Variants in ROBO1 observed in about 807,000 individuals in gnomAD.
ROBO1 encodes roundabout homolog 1.
In ROBO1, 149 loss-of-function variants were observed where a neutral mutation model predicts 195.9. That is an observed-to-expected ratio of 0.76 (90% CI 0.67 to 0.87). The LOEUF (loss-of-function observed/expected upper bound fraction) is 0.87. Among genes scored for constraint, ROBO1 ranks in the 40% least tolerant of loss-of-function variants. The pLI is 0.00. For synonymous variants in ROBO1, 816 were observed against 733.2 expected, an observed-to-expected ratio of 1.11 and a Z score of -1.82; for missense variants, 1,933 against 2,068.3, an observed-to-expected ratio of 0.93 and a Z score of 1.27.
intron 28 of ROBO1, among the ~76,000 whole-genome samples, chr3:78,610,183 G>A (rs1394800497): frequency 6.6e-6 from 1 of 152,112 alleles, no homozygotes; most frequent in Admixed American, 6.6e-5. Flanking sequence ...ATAAAATCAA[G>A]TTTTTTTGTC....
chr3:79,699,753 A>G (rs537345012), intron 1 of ROBO1, among the ~76,000 whole-genome samples: 13 of 151,768 alleles, frequency 8.6e-5, no homozygotes, highest in African/African-American at 2.7e-4. Flanking sequence ...CCAATAAGAT[A>G]TGAGTGAAAA....
chr3:79,101,944 T>C (rs2079683733), intron 3 of ROBO1, among the ~76,000 whole-genome samples: 1 of 151,824 alleles, frequency 6.6e-6, no homozygotes, highest in Admixed American at 6.6e-5. Context: ...ATTGCTCAGC[T>C]CACACAGTTT....
chr3:78,727,242 TATATA>T (rs1471849635), intron 5 of ROBO1, among the ~76,000 whole-genome samples: 1 of 151,970 alleles, frequency 6.6e-6, no homozygotes, highest in East Asian at 1.9e-4. Context: ...ATTCAGATAT[TATATA>T]ATATAAAAGA....
At chr3:78,713,229 G>A (rs1056748540) in intron 8 of ROBO1, among the ~76,000 whole-genome samples, 3 of 152,058 alleles carry the variant, frequency 2.0e-5, no homozygotes, top group Non-Finnish European at 4.4e-5. Flanking sequence ...ACCCCAAAGT[G>A]GGACATAATG....
intron 2 of ROBO1, among the ~76,000 whole-genome samples, chr3:79,186,015 T>C (rs74632437): frequency 0.16 from 24,721 of 151,984 alleles, 3,631 homozygotes; most frequent in African/African-American, 0.39. Context: ...GTGTTTAAGT[T>C]CCCCAAGCCC....
chr3:79,558,996 A>G (rs924702496), intron 2 of ROBO1, among the ~76,000 whole-genome samples: 3 of 152,224 alleles, frequency 2.0e-5, no homozygotes, highest in Admixed American at 2.0e-4. Flanking sequence ...GAATCCCCAC[A>G]TAACAAACCT....
At chr3:79,163,174 C>G (rs2081003448) in intron 2 of ROBO1, among the ~76,000 whole-genome samples, 2 of 152,070 alleles carry the variant, frequency 1.3e-5, no homozygotes, top group African/African-American at 2.4e-5. Context: ...CAAGAACTCT[C>G]CATTGCTGCC....
chr3:79,124,963 A>G (rs116092711), intron 3 of ROBO1, among the ~76,000 whole-genome samples: 1 of 152,278 alleles, frequency 6.6e-6, no homozygotes, highest in South Asian at 2.1e-4. Flanking sequence ...TAAGGTAACA[A>G]TAAGTCATGC....
intron 2 of ROBO1, among the ~76,000 whole-genome samples, chr3:79,439,293 T>A (rs967828423): frequency 1.3e-4 from 20 of 152,126 alleles, no homozygotes; most frequent in African/African-American, 4.3e-4. Context: ...CCAATGAGGA[T>A]GTATACAACA....
At chr3:78,955,913 C>G (rs939344886) in intron 3 of ROBO1, among the ~76,000 whole-genome samples, 2 of 152,064 alleles carry the variant, frequency 1.3e-5, no homozygotes, top group Non-Finnish European at 1.5e-5. Context: ...CTGAAGAAAA[C>G]CTTTTACACA....
intron 3 of ROBO1, among the ~76,000 whole-genome samples, chr3:78,979,174 A>G (rs1442013288): frequency 6.6e-6 from 1 of 152,134 alleles, no homozygotes; most frequent in African/African-American, 2.4e-5. Flanking sequence ...GTGCTTTCCT[A>G]ATCCCATTCA....
chr3:79,645,081 T>C (rs1381042764), intron 1 of ROBO1, among the ~76,000 whole-genome samples: 3 of 152,146 alleles, frequency 2.0e-5, no homozygotes, highest in Non-Finnish European at 4.4e-5. Flanking sequence ...GGGAGGTTTA[T>C]AGCAACACAT....
intron 2 of ROBO1, among the ~76,000 whole-genome samples, chr3:79,168,560 G>A (rs946050484): frequency 6.6e-6 from 1 of 151,958 alleles, no homozygotes; most frequent in African/African-American, 2.4e-5. Flanking sequence ...TATAATGTTT[G>A]CCCCTACTAT....
chr3:79,227,057 T>C (rs902327673), intron 2 of ROBO1, among the ~76,000 whole-genome samples: 3 of 152,206 alleles, frequency 2.0e-5, no homozygotes, highest in African/African-American at 7.2e-5. Context: ...GTACTTCTGA[T>C]CCATACTCTA....
chr3:79,399,187 G>A (rs981313671), intron 2 of ROBO1, among the ~76,000 whole-genome samples: 5 of 152,138 alleles, frequency 3.3e-5, no homozygotes, highest in African/African-American at 1.2e-4. Context: ...TCATAAGTCT[G>A]TGTAGATACA....
chr3:78,872,252 C>A (rs1311807361), intron 4 of ROBO1, among the ~76,000 whole-genome samples: 3 of 152,180 alleles, frequency 2.0e-5, no homozygotes, highest in Non-Finnish European at 4.4e-5. Context: ...CTCCACCAAA[C>A]CTGACTGATG....
chr3:78,923,978 GA>G (rs1246291629), intron 4 of ROBO1, among the ~76,000 whole-genome samples: 2 of 147,602 alleles, frequency 1.4e-5, no homozygotes, highest in African/African-American at 2.5e-5. Context: ...CCTTAGGGAA[GA>G]AAAAAAAGGT....
intron 3 of ROBO1, among the ~76,000 whole-genome samples, chr3:79,050,042 C>T (rs1473977937): frequency 2.0e-5 from 3 of 152,092 alleles, no homozygotes; most frequent in Non-Finnish European, 4.4e-5. Context: ...TCACACATAA[C>T]AATATTAACC....
At chr3:78,686,914 A>G (rs1254877977) in intron 9 of ROBO1, among the ~76,000 whole-genome samples, 1 of 152,186 alleles carries the variant, frequency 6.6e-6, no homozygotes, top group East Asian at 1.9e-4. Context: ...GTTAGTGTAT[A>G]TGTCACACAA....
Sources: allele counts gnomAD v4.1 joint callset (sites outside exome capture counted in the v4.1 genomes callset), GRCh38; gene constraint gnomAD v4.1.1; transcripts MANE v1.5; gene names NCBI Gene and HGNC (gene_info 2026-07-23, HGNC 2026-07-21).